PPP6R2: variants seen among roughly 807,000 people sequenced by gnomAD.
PPP6R2 encodes the protein protein phosphatase 6 regulatory subunit 2.
A neutral mutation model predicts 100.2 loss-of-function variants in PPP6R2; 62 were observed. That is an observed-to-expected ratio of 0.62 (90% CI 0.50 to 0.76). The LOEUF (loss-of-function observed/expected upper bound fraction) is 0.76. Among genes scored for constraint, PPP6R2 ranks in the 30% least tolerant of loss-of-function variants. The probability of loss-of-function intolerance (pLI) is 0.00; values close to 1 mark genes in which losing one functional copy is unlikely to be tolerated. For synonymous variants in PPP6R2, 525 were observed against 514.7 expected, an observed-to-expected ratio of 1.02 and a Z score of -0.27; for missense variants, 1,142 against 1,276.3, an observed-to-expected ratio of 0.89 and a Z score of 1.60.
chr22:50,396,648 C>T (rs566562903), intron 3 of PPP6R2, among the ~76,000 whole-genome samples: 10 of 152,298 alleles, frequency 6.6e-5, no homozygotes, highest in South Asian at 6.2e-4. Flanking sequence ...GGGGCCACGG[C>T]AAATAATTCC....
intron 2 of PPP6R2, chr22:50,393,379 C>T: frequency 1.0e-6 from 1 of 985,188 alleles, no homozygotes; most frequent in Non-Finnish European, 1.2e-6. Context: ...TGAGTTTGCT[C>T]ACAAATGTGA....
chr22:50,406,223 G>T (rs1039535897), intron 3 of PPP6R2, among the ~76,000 whole-genome samples: 1 of 146,238 alleles, frequency 6.8e-6, no homozygotes, highest in African/African-American at 2.6e-5. Flanking sequence ...GGAGAGAGGC[G>T]AGAGGCCTGG....
intron 1 of PPP6R2, among the ~76,000 whole-genome samples, chr22:50,370,271 C>T (rs575744091): frequency 9.2e-5 from 14 of 152,228 alleles, no homozygotes; most frequent in African/African-American, 3.4e-4. Context: ...TAACAGTGCA[C>T]AGAACTATGT....
At chr22:50,339,310 TTGTG>T (rs2042341457), upstream of PPP6R2, among the ~76,000 whole-genome samples, 1 of 101,962 alleles carries the variant, frequency 9.8e-6, no homozygotes, top group African/African-American at 5.1e-5. Flanking sequence ...GTGGTGTGTG[TTGTG>T]GGTGTAGTGT....
chr22:50,364,458 A>G (rs1369467784), intron 1 of PPP6R2, among the ~76,000 whole-genome samples: 1 of 152,176 alleles, frequency 6.6e-6, no homozygotes, highest in Non-Finnish European at 1.5e-5. Context: ...GGCACATACA[A>G]ACAAATGTTA....
At chr22:50,382,596 TATAA>T (rs1012116677) in intron 2 of PPP6R2, among the ~76,000 whole-genome samples, 6 of 151,930 alleles carry the variant, frequency 3.9e-5, no homozygotes, top group Non-Finnish European at 5.9e-5. Flanking sequence ...AAAGTAGAAT[TATAA>T]ATAAAAAATA....
At chr22:50,357,661 A>G (rs577498687) in intron 1 of PPP6R2, among the ~76,000 whole-genome samples, 31 of 150,662 alleles carry the variant, frequency 2.1e-4, no homozygotes, top group African/African-American at 7.6e-4. Flanking sequence ...GGAGTCTTGC[A>G]CTGTCACCCA....
At chr22:50,381,304 ACGGGCCCCAC>A in intron 2 of PPP6R2, among the ~76,000 whole-genome samples, 1 of 95,258 alleles carries the variant, frequency 1.0e-5, no homozygotes, top group African/African-American at 4.4e-5. Flanking sequence ...TCAGCACCAC[ACGGGCCCCAC>A]CTCAGCATCA....
At position 50,435,873 on chromosome 22, in the gene PPP6R2, A is replaced by G. The variant is rs185072463; in HGVS notation, c.1517-494A>G. Among the ~76,000 whole-genome samples, 56 of 152,310 alleles carry G rather than the reference A, an allele frequency of 3.7e-4. 1 individual carries two copies. The highest frequency in any genetic ancestry group is 6.6e-4 in the Non-Finnish European group (45 of 68,008). On this transcript the variant is annotated intron_variant, in intron 13 of 23. Coordinates refer to ENST00000612753, the MANE Select transcript of PPP6R2 (RefSeq NM_001242898.2). ...CGAGGGGCAAGCAGGAAGCTGTTGGATCATTCCATACGATCTCCAGATTGT... is the reference window on the plus strand; with the variant it reads ...CGAGGGGCAAGCAGGAAGCTGTTGGGTCATTCCATACGATCTCCAGATTGT...
chr22:50,339,190 AGT>A (rs1426587932), upstream of PPP6R2, among the ~76,000 whole-genome samples: 2 of 87,166 alleles, frequency 2.3e-5, no homozygotes, highest in Non-Finnish European at 4.5e-5. Context: ...TGTGGTATGT[AGT>A]GTGTGTTGTA....
chr22:50,444,068 ACAGCAGCCC>A lies in PPP6R2; in HGVS notation c.2787_2795del (p.Ala930_Ala932del). ...CCCCCTAGGGCCCATCATGGCAGTC[ACAGCAGCCC>A]CAGCCATGGTGGCCACCCTGGGGAC... On this transcript the variant is annotated inframe_deletion, in exon 23 of 24. Transcript: ENST00000612753. 3 of 1,612,780 alleles carry A rather than the reference ACAGCAGCCC, an allele frequency of 1.9e-6. No individual in the cohort carries two copies. The highest frequency in any genetic ancestry group is 2.5e-6 in the Non-Finnish European group (3 of 1,179,454).
chr22:50,360,128 C>A (rs1350536650), intron 1 of PPP6R2, among the ~76,000 whole-genome samples: 1 of 151,054 alleles, frequency 6.6e-6, no homozygotes, highest in Non-Finnish European at 1.5e-5. Flanking sequence ...TGTCGGCTCA[C>A]TGCAACCTCC....
intron 2 of PPP6R2, chr22:50,391,904 A>G (rs1380982172): frequency 1.3e-5 from 2 of 151,066 alleles, no homozygotes; most frequent in Non-Finnish European, 2.9e-5. Flanking sequence ...AGGACCGTCC[A>G]GAAGTCACCT....
rs955182323 is a variant in PPP6R2 at position 50,370,413 on chromosome 22, G to A, written c.-147-1607G>A. On this transcript the variant is annotated intron_variant, in intron 1 of 23. Transcript: ENST00000612753. ...AGCAATTCTCCTGCCTCAGCCTCCC[G>A]AGGAGATGGGATTACAGGCGCCTGC... Among the ~76,000 whole-genome samples the A allele has an allele frequency of 4.6e-5, 7 of 151,638 alleles. No homozygotes were observed. The East Asian group carries it at 7.8e-4, about 17-fold the overall frequency.
At chr22:50,379,094 C>A (rs1489555574) in intron 2 of PPP6R2, among the ~76,000 whole-genome samples, 1 of 152,104 alleles carries the variant, frequency 6.6e-6, no homozygotes, top group Non-Finnish European at 1.5e-5. Flanking sequence ...TTCCCATCTC[C>A]CAGAGCTGTG....
chr22:50,442,487 G>A (rs544565846), intron 22 of PPP6R2, among the ~76,000 whole-genome samples: 3 of 152,214 alleles, frequency 2.0e-5, no homozygotes, highest in Non-Finnish European at 4.4e-5. Context: ...AGAGCCCCTC[G>A]GGTTGAAAGT....
At chr22:50,403,534 T>C (rs939974054) in intron 3 of PPP6R2, among the ~76,000 whole-genome samples, 6 of 152,212 alleles carry the variant, frequency 3.9e-5, no homozygotes, top group Non-Finnish European at 8.8e-5. Context: ...ACAAGGACAC[T>C]AAAGGCCAGA....
At chr22:50,356,298 A>G (rs773087579) in intron 1 of PPP6R2, among the ~76,000 whole-genome samples, 4 of 125,708 alleles carry the variant, frequency 3.2e-5, no homozygotes, top group African/African-American at 9.0e-5. Flanking sequence ...TGTACAGTCT[A>G]TTTTTCCTTT....
chr22:50,385,806 G>A (rs1404954987), intron 2 of PPP6R2, among the ~76,000 whole-genome samples: 2 of 138,206 alleles, frequency 1.4e-5, no homozygotes, highest in East Asian at 2.2e-4. Flanking sequence ...ATGAGCCACC[G>A]CGCCCAGCTT....
Sources: allele counts gnomAD v4.1 joint callset (sites outside exome capture counted in the v4.1 genomes callset), GRCh38; gene constraint gnomAD v4.1.1; transcripts MANE v1.5; gene names NCBI Gene and HGNC (gene_info 2026-07-23, HGNC 2026-07-21).